PTPN3: variants seen among roughly 807,000 people sequenced by gnomAD.
The protein encoded by PTPN3 is protein tyrosine phosphatase non-receptor type 3, also known as tyrosine-protein phosphatase non-receptor type 3.
Under a neutral mutation model 132.7 loss-of-function variants are expected in PTPN3, and 96 were observed. That is an observed-to-expected ratio of 0.72 (90% confidence interval 0.61 to 0.86). The LOEUF is 0.86. PTPN3 is among the 40% of genes least tolerant of loss of function. The pLI, the probability that PTPN3 is intolerant of heterozygous loss-of-function variation, is 0.00. For missense variants in PTPN3, 1,125 were observed against 1,159.6 expected, an observed-to-expected ratio of 0.97 and a Z score of 0.43; for synonymous variants, 398 against 429.0, an observed-to-expected ratio of 0.93 and a Z score of 0.89.
At chr9:109,533,580 G>A in the PTPN3 span, 2 of 1,591,634 alleles carry the variant, frequency 1.3e-6, no homozygotes, top group African/African-American at 1.3e-5. Context: ...TGTCTTTGGC[G>A]AGGAGGGCCC....
At chr9:109,459,930 A>G (rs1330032414) in intron 2 of PTPN3, among the ~76,000 whole-genome samples, 1 of 152,000 alleles carries the variant, frequency 6.6e-6, no homozygotes, top group African/African-American at 2.4e-5. Context: ...CTTGCTTCTC[A>G]GGGGATCTCC....
intron 1 of PTPN3, among the ~76,000 whole-genome samples, chr9:109,483,606 G>A (rs536394016): frequency 1.4e-4 from 22 of 152,262 alleles, no homozygotes; most frequent in African/African-American, 5.3e-4. Flanking sequence ...GGATATAACT[G>A]TGAAGCCAGA....
chr9:109,395,769 A>G (rs538872225), intron 19 of PTPN3, among the ~76,000 whole-genome samples: 1 of 151,728 alleles, frequency 6.6e-6, no homozygotes, highest in East Asian at 1.9e-4. Flanking sequence ...CCTGGGAGAC[A>G]GAGGAAGACC....
chr9:109,463,282 AAGT>A lies in PTPN3; in HGVS notation c.138+12_138+14del, dbSNP rs1845936457. On this transcript the variant is annotated intron_variant, in intron 2 of 25. Coordinates refer to ENST00000374541, the MANE Select transcript of PTPN3 (RefSeq NM_002829.4). ...TTAATTCAGGAAAAGTAAAAAAAAA[AAGT>A]AGAGAACTTACAGTAACTTTAAAGG... 1 of 1,538,590 alleles carries A rather than the reference AAGT, an allele frequency of 6.5e-7. No homozygotes were observed. The highest frequency in any genetic ancestry group is 8.7e-7 in the Non-Finnish European group (1 of 1,145,652).
intron 10 of PTPN3, among the ~76,000 whole-genome samples, chr9:109,430,612 A>C (rs1434417492): frequency 6.6e-6 from 1 of 152,232 alleles, no homozygotes; most frequent in Non-Finnish European, 1.5e-5. Flanking sequence ...CAGAGGGAAG[A>C]GGACATGGAG....
At chr9:109,464,412 T>G (rs1326462402) in intron 1 of PTPN3, among the ~76,000 whole-genome samples, 1 of 152,078 alleles carries the variant, frequency 6.6e-6, no homozygotes, top group Admixed American at 6.5e-5. Context: ...GAGGGTGAAG[T>G]GTGGGAGGAG....
intron 1 of PTPN3, among the ~76,000 whole-genome samples, chr9:109,492,264 G>A (rs1291838680): frequency 6.6e-6 from 1 of 151,946 alleles, no homozygotes; most frequent in African/African-American, 2.4e-5. Context: ...TGTGGCTGAG[G>A]GAGGTGACAT....
rs74336055 is a variant in PTPN3 at position 109,481,809 on chromosome 9, C to G, written c.-18+16410G>C. ...GTGTGTAGCATGTCACTAAGTGTCACAAGAGGGGAAGGCAGATGGGTGGGC... is the reference window on the plus strand; with the variant it reads ...GTGTGTAGCATGTCACTAAGTGTCAGAAGAGGGGAAGGCAGATGGGTGGGC... On this transcript the variant is annotated intron_variant, in intron 1 of 25. Transcript: ENST00000374541. Among the ~76,000 whole-genome samples, 519 of 152,306 alleles carry G rather than the reference C, an allele frequency of 3.4e-3. 3 individuals carry two copies. The highest frequency in any genetic ancestry group is 0.011 in the African/African-American group (474 of 41,566).
At chr9:109,414,419 C>A (rs1842320082) in intron 14 of PTPN3, among the ~76,000 whole-genome samples, 1 of 152,224 alleles carries the variant, frequency 6.6e-6, no homozygotes. Context: ...GCTAGAGGAA[C>A]TCATACCAGT....
the PTPN3 span, among the ~76,000 whole-genome samples, chr9:109,505,899 G>A: frequency 1.7e-4 from 26 of 152,144 alleles, no homozygotes; most frequent in East Asian, 4.7e-3. Flanking sequence ...ACAGGAGCCT[G>A]CCGCTATGCC....
At chr9:109,493,952 A>G (rs192261916) in intron 1 of PTPN3, among the ~76,000 whole-genome samples, 21 of 152,362 alleles carry the variant, frequency 1.4e-4, no homozygotes, top group African/African-American at 5.1e-4. Context: ...AGCACTCACA[A>G]CAGTGTGTGG....
chr9:109,409,005 G>C (rs1841853129), intron 16 of PTPN3, among the ~76,000 whole-genome samples: 1 of 151,320 alleles, frequency 6.6e-6, no homozygotes, highest in African/African-American at 2.4e-5. Flanking sequence ...GATGGCAGCT[G>C]GGGGGTAGGC....
At chr9:109,510,395 C>G in the PTPN3 span, among the ~76,000 whole-genome samples, 1 of 151,340 alleles carries the variant, frequency 6.6e-6, no homozygotes, top group Non-Finnish European at 1.5e-5. Flanking sequence ...CCTGTCTCTA[C>G]TAAAACTACA....
At chr9:109,407,366 G>A (rs549160671) in intron 17 of PTPN3, among the ~76,000 whole-genome samples, 1 of 152,210 alleles carries the variant, frequency 6.6e-6, no homozygotes, top group East Asian at 1.9e-4. Flanking sequence ...GACAGAGCAA[G>A]AGCGAGACCC....
At chr9:109,474,067 G>T (rs1054566771) in intron 1 of PTPN3, among the ~76,000 whole-genome samples, 1 of 152,036 alleles carries the variant, frequency 6.6e-6, no homozygotes, top group Admixed American at 6.5e-5. Context: ...ATTTGGTTTT[G>T]CCCAGGTAGT....
chr9:109,447,390 C>T (rs774777704), intron 6 of PTPN3, among the ~76,000 whole-genome samples: 6 of 151,944 alleles, frequency 3.9e-5, no homozygotes, highest in Admixed American at 1.3e-4. Flanking sequence ...GGAGAGGGGT[C>T]GGTAATTTCA....
intron 14 of PTPN3, among the ~76,000 whole-genome samples, chr9:109,413,120 T>TA (rs1842205528): frequency 6.6e-6 from 1 of 151,744 alleles, no homozygotes; most frequent in Admixed American, 6.6e-5. Flanking sequence ...CTAATTTTTT[T>TA]TTTTTTTGTA....
intron 22 of PTPN3, among the ~76,000 whole-genome samples, chr9:109,385,374 G>A (rs1044025674): frequency 6.6e-6 from 1 of 152,190 alleles, no homozygotes; most frequent in Non-Finnish European, 1.5e-5. Context: ...CTGCAGCGAG[G>A]GGCGATGATT....
At chr9:109,415,036 G>GTCCGTCCA (rs141471672) in intron 14 of PTPN3, among the ~76,000 whole-genome samples, 2 of 145,694 alleles carry the variant, frequency 1.4e-5, no homozygotes, top group African/African-American at 5.1e-5. Context: ...CCGTCTGTCC[G>GTCCGTCCA]TCCGTCCGTC....
Sources: gnomAD v4.1 joint callset for allele counts (sites outside exome capture counted in the v4.1 genomes callset) on GRCh38, gnomAD v4.1.1 for gene constraint, MANE v1.5 for transcripts, NCBI Gene and HGNC (gene_info 2026-07-23, HGNC 2026-07-21) for gene names.